Variants in ATP6AP1 observed in about 807,000 individuals in gnomAD.
ATP6AP1 encodes the protein V-type proton ATPase subunit S1.
Under a neutral mutation model 32.0 loss-of-function variants are expected in ATP6AP1, and 1 was observed. That is an observed-to-expected ratio of 0.03 (90% confidence interval 0.01 to 0.15). The LOEUF is 0.15. Among genes scored for constraint, ATP6AP1 ranks in the 10% least tolerant of loss-of-function variants. The pLI, the probability that ATP6AP1 is intolerant of heterozygous loss-of-function variation, is 1.00. For missense variants in ATP6AP1, 297 were observed against 398.8 expected (o/e 0.74, Z 2.17); for synonymous variants, 187 against 174.9 (o/e 1.07, Z -0.55).
At chrX:154,432,827 G>A (rs782766732) in intron 4 of ATP6AP1, 104 bp from the exon 5 acceptor site, 59 of 974,272 alleles carry the variant, frequency 6.1e-5, no homozygotes, top group Non-Finnish European at 8.4e-5. Context: ...TGCAGGCTTG[G>A]TGCGTGGGGC....
chrX:154,431,520 T>G, intron 2 of ATP6AP1: 6 of 173,812 alleles, frequency 3.5e-5, no homozygotes, highest in Non-Finnish European at 4.2e-5. Flanking sequence ...CCCTCCCCAG[T>G]TCCTCTTGTC....
Position 154,435,669 on chromosome X carries a change from G to T in ATP6AP1, c.1204-13G>T, listed in dbSNP as rs181329195. The stretch of plus-strand genomic sequence containing the variant: ...CAACGGTCCTTTCTGACCCGTGTCT[G>T]TGTGTCTGCCAGATCCAGGCTTTCA... On this transcript the variant is annotated splice_polypyrimidine_tract_variant and intron_variant, in intron 9 of 9. Coordinates refer to ENST00000369762, the MANE Select transcript of ATP6AP1 (RefSeq NM_001183.6). The T allele has an allele frequency of 8.3e-7, 1 of 1,209,051 alleles. No individual in the cohort carries two copies. Among genetic ancestry groups the T allele is most frequent in the Non-Finnish European group, 1.1e-6 (1 of 894,267 alleles).
intron 2 of ATP6AP1, chrX:154,431,604 C>A: frequency 2.4e-6 from 1 of 425,018 alleles, no homozygotes; most frequent in Non-Finnish European, 4.1e-6. Flanking sequence ...CTCCCCACCC[C>A]ATGACTGCCT....
chrX:154,433,659 G>A lies in ATP6AP1; in HGVS notation c.623G>A (p.Ser208Asn), dbSNP rs782451012. The change falls in exon 6 of 10, where the codon AGC becomes AAC. Residue 208 changes from serine to asparagine, a missense_variant. By Grantham distance (46) the Ser-to-Asn change is conservative. Around this residue, in one of 2 missense-constraint regions of ATP6AP1, gnomAD observed 155 missense variants for 253.8 expected, o/e 0.61. Transcript: ENST00000369762. ...GNDEVIGQVLSTLKSEDVPYT... is the reference protein window; with the variant it reads ...GNDEVIGQVLNTLKSEDVPYT... ...GATGAGGTCATCGGGCAGGTCCTGA[G>A]CACACTCAAGTCCGAAGATGTCCCA... 5.0e-6 allele frequency: 6 copies of A among 1,212,114 alleles called. No individual in the cohort carries two copies. The highest frequency in any genetic ancestry group is 6.7e-6 in the Non-Finnish European group (6 of 895,559).
At chrX:154,431,656 A>C in intron 2 of ATP6AP1, 174 bp from the exon 3 acceptor site, 2 of 488,558 alleles carry the variant, frequency 4.1e-6, no homozygotes, top group Non-Finnish European at 7.2e-6. Flanking sequence ...TGGAGGGAAG[A>C]GGTGAGTCTC....
At position 154,435,813 on chromosome X, in the gene ATP6AP1, C is replaced by A. The variant is rs782335202; in HGVS notation, c.1335C>A (p.His445Gln). 1 of 1,211,901 alleles carries A rather than the reference C, an allele frequency of 8.3e-7. No homozygotes were observed. Residue 445 changes from histidine to glutamine, a missense_variant, in exon 10 of 10, where the codon CAC (histidine) becomes CAA (glutamine). Around this residue, in one of 2 missense-constraint regions of ATP6AP1, gnomAD observed 155 missense variants for 253.8 expected, o/e 0.61. Coordinates refer to ENST00000369762, the MANE Select transcript of ATP6AP1 (RefSeq NM_001183.6). Reference protein sequence around the residue: ...FMLFIFTYGLHMILSLKTMDR... With the variant: ...FMLFIFTYGLQMILSLKTMDR... The stretch of plus-strand genomic sequence containing the variant: ...TCTTCATCTTCACCTATGGCCTGCA[C>A]ATGATCCTCAGCCTCAAGACCATGG...
rs782551351 is a variant in ATP6AP1 at position 154,435,771 on chromosome X, C to T, written c.1293C>T (p.Leu431=). 5 of 1,210,000 alleles carry T rather than the reference C, an allele frequency of 4.1e-6. No homozygotes were observed. The highest frequency in any genetic ancestry group is 2.2e-5 in the Admixed American group (1 of 45,836). Residue 431 remains leucine (L), a synonymous_variant, in exon 10 of 10, where the codon CTC becomes CTT. Coordinates refer to ENST00000369762, the MANE Select transcript of ATP6AP1 (RefSeq NM_001183.6). ...CCCCCGGCATCTGGATGGGGCTGCTCACCTCCCTGTTCATGCTCTTCATCT... is the reference window on the plus strand; with the variant it reads ...CCCCCGGCATCTGGATGGGGCTGCTTACCTCCCTGTTCATGCTCTTCATCT... ...FFSPGIWMGL[L]TSLFMLFIFT...
At position 154,434,312 on chromosome X, in the gene ATP6AP1, C is replaced by G; in HGVS notation, c.789C>G (p.Thr263=). ...ATCCTCCTGTGAGTTACAATGACACCGCTCCCCGGATCCTGTTCTGGGCCC... is the reference window on the plus strand; with the variant it reads ...ATCCTCCTGTGAGTTACAATGACACGGCTCCCCGGATCCTGTTCTGGGCCC... The part of the protein sequence containing the change: ...VIHPPVSYND[T]APRILFWAQN... The change falls in exon 7 of 10, where the codon ACC becomes ACG. Residue 263 remains threonine (T), a synonymous_variant. Coordinates refer to ENST00000369762, the MANE Select transcript of ATP6AP1 (RefSeq NM_001183.6). The G allele has an allele frequency of 8.3e-7, 1 of 1,211,615 alleles. No individual in the cohort carries two copies. The highest frequency in any genetic ancestry group is 1.1e-6 in the Non-Finnish European group (1 of 895,398).
At position 154,429,157 on chromosome X, in the gene ATP6AP1, C is replaced by T; in HGVS notation, c.271C>T (p.Leu91=). ...GGAGCTGGGTCCCAGGAATGTGCTG[C>T]TGTTCCTGCAGGACAAGGTGCGCCC... ...ALELGPRNVL[L]FLQDKLSIED... The change falls in exon 2 of 10, where the codon CTG becomes TTG. Residue 91 remains leucine, a synonymous_variant. Coordinates refer to ENST00000369762, the MANE Select transcript of ATP6AP1 (RefSeq NM_001183.6). 3 of 1,211,661 alleles carry T rather than the reference C, an allele frequency of 2.5e-6. No homozygotes were observed. The highest frequency in any genetic ancestry group is 3.4e-6 in the Non-Finnish European group (3 of 895,373).
chrX:154,431,623 T>C (rs2068693851), intron 2 of ATP6AP1: 3 of 451,185 alleles, frequency 6.6e-6, no homozygotes, highest in Non-Finnish European at 1.2e-5. Context: ...CTTCCATGTC[T>C]TCTCACCCTG....
Position 154,428,684 on chromosome X carries a change from G to T in ATP6AP1, c.-9G>T. 1 of 1,148,157 alleles carries T rather than the reference G, an allele frequency of 8.7e-7. No individual in the cohort carries two copies. The allele number at this position is 1,148,157 out of a possible 1,213,427, so 94.6% of individuals were successfully genotyped here. Reference sequence around the variant, plus strand: ...TGTCGAGGCCGCTGAGGCAGTGGAGGCTGAGGCTATGATGGCGGCCATGGC... The same window carrying T: ...TGTCGAGGCCGCTGAGGCAGTGGAGTCTGAGGCTATGATGGCGGCCATGGC... On this transcript the variant is annotated 5_prime_UTR_variant, in exon 1 of 10. Transcript: ENST00000369762.
chrX:154,431,742 G>A (rs782449304), intron 2 of ATP6AP1, 88 bp from the exon 3 acceptor site: 7 of 935,868 alleles, frequency 7.5e-6, no homozygotes, highest in Non-Finnish European at 1.1e-5. Context: ...TGCTGGCCCT[G>A]AGAATGCACG....
intron 6 of ATP6AP1, 31 bp from the exon 7 acceptor site, chrX:154,434,177 C>T (rs2068707632): frequency 1.2e-5 from 14 of 1,195,725 alleles, no homozygotes; most frequent in Non-Finnish European, 1.6e-5. Context: ...CCCAGGGCTG[C>T]TGAAAGAAGG....
At chrX:154,430,950 C>T (rs1188614944) in intron 2 of ATP6AP1, 1 of 111,190 alleles carries the variant, frequency 9.0e-6, no homozygotes, top group Non-Finnish European at 1.9e-5. Context: ...GAAGTAGGAC[C>T]TTGTAGGCCA....
intron 2 of ATP6AP1, chrX:154,430,429 A>C (rs2068687579): frequency 9.0e-6 from 1 of 111,616 alleles, no homozygotes; most frequent in Non-Finnish European, 1.9e-5. Context: ...TGTGAGGGGG[A>C]ATTCTTATAA....
chrX:154,435,349 C>T lies in ATP6AP1; in HGVS notation c.1047C>T (p.Ser349=). ...CCATGGAGCGCCTCGAAGTCCACAGCAATGGCTCCGTCGCCTACTTCAATG... is the reference window on the plus strand; with the variant it reads ...CCATGGAGCGCCTCGAAGTCCACAGTAATGGCTCCGTCGCCTACTTCAATG... ...WFTMERLEVH[S]NGSVAYFNAS... The change falls in exon 9 of 10, where the codon AGC becomes AGT. Residue 349 remains serine, a synonymous_variant. Transcript: ENST00000369762. 1 of 1,212,130 alleles carries T rather than the reference C, an allele frequency of 8.2e-7. No homozygotes were observed. The highest frequency in any genetic ancestry group is 1.7e-5 in the African/African-American group (1 of 57,880).
intron 2 of ATP6AP1, chrX:154,430,512 A>G (rs116109691): frequency 0.065 from 7,251 of 112,000 alleles, 581 homozygotes; most frequent in African/African-American, 0.22. Context: ...CCCAATATGG[A>G]AAGCCTACTA....
Position 154,428,864 on chromosome X carries a change from C to G in ATP6AP1, c.161+11C>G. 9.2e-7 allele frequency: 1 copy of G among 1,087,647 alleles called. No individual in the cohort carries two copies. The allele number at this position is 1,087,647 out of a possible 1,213,427, so 89.6% of individuals were successfully genotyped here. A position where few individuals can be genotyped will look rare whatever the true frequency, so the allele number is the denominator to read the frequency against. ...GTGGTCGAGTGACCGGTGAGCGGGC[C>G]GGGGTGGGATGCGCTGTGGCGGCTG... On this transcript the variant is annotated intron_variant, in intron 1 of 9. Coordinates refer to ENST00000369762, the MANE Select transcript of ATP6AP1 (RefSeq NM_001183.6).
rs781797236 is a variant in ATP6AP1 at position 154,428,787 on chromosome X, T to TGGCGGCGGCGGCGGCGGCGGC, written c.96_116dup (p.Ala35_Ala41dup). ...CCGTGGCTGCCGGTGTTTTTGTCGT[T>TGGCGGCGGCGGCGGCGGCGGC]GGCGGCGGCGGCGGCGGCGGCAGCG... is the stretch of plus-strand genomic sequence containing the variant. On this transcript the variant is annotated inframe_insertion, in exon 1 of 10. Transcript: ENST00000369762. 8.9e-7 allele frequency: 1 copy of TGGCGGCGGCGGCGGCGGCGGC among 1,120,588 alleles called. No individual in the cohort carries two copies. Among genetic ancestry groups the TGGCGGCGGCGGCGGCGGCGGC allele is most frequent in the African/African-American group, 2.0e-5 (1 of 51,064 alleles). The allele number at this position is 1,120,588 out of a possible 1,213,427, so 92.3% of individuals were successfully genotyped here. A position where few individuals can be genotyped will look rare whatever the true frequency, so the allele number is the denominator to read the frequency against.
Sources: gnomAD v4.1 joint callset for allele counts on GRCh38, gnomAD v4.1.1 for gene constraint, gnomAD v4.1.1 regional missense constraint, MANE v1.5 for transcripts, NCBI Gene and HGNC (gene_info 2026-07-23, HGNC 2026-07-21) for gene names.